The following CALN1 variants were observed in gnomAD, a reference collection of about 807,000 sequenced individuals.
CALN1 encodes the protein calneuron 1.
In CALN1, 17 loss-of-function variants were observed where a neutral mutation model predicts 30.6. The ratio of observed to expected loss-of-function variants is 0.56; its 90% CI spans 0.38 to 0.83. The LOEUF (loss-of-function observed/expected upper bound fraction) is 0.83. CALN1 is among the 40% of genes least tolerant of loss of function. The pLI is 0.00. For missense variants in CALN1, 291 were observed against 354.9 expected (o/e 0.82, Z 1.45); for synonymous variants, 156 against 131.4 (o/e 1.19, Z -1.28).
chr7:72,105,801 G>GGGA (rs1417237322), intron 4 of CALN1, among the ~76,000 whole-genome samples: 1 of 112,702 alleles, frequency 8.9e-6, no homozygotes, highest in Non-Finnish European at 1.9e-5. Flanking sequence ...GAGGGAGGGA[G>GGGA]GGAGGAGGAG....
chr7:72,424,930 C>T (rs961829753), intron 1 of CALN1, among the ~76,000 whole-genome samples: 3 of 152,066 alleles, frequency 2.0e-5, no homozygotes, highest in African/African-American at 7.2e-5. Context: ...ATTCACAGGA[C>T]TCACTCAAGC....
At chr7:72,460,060 C>T in the CALN1 span, among the ~76,000 whole-genome samples, 1 of 152,276 alleles carries the variant, frequency 6.6e-6, no homozygotes, top group African/African-American at 2.4e-5. Context: ...GCCAGCATCA[C>T]ATGGCAAGAG....
intron 2 of CALN1, among the ~76,000 whole-genome samples, chr7:72,345,175 G>A (rs1802573996): frequency 1.3e-5 from 2 of 150,374 alleles, no homozygotes; most frequent in Admixed American, 1.3e-4. Flanking sequence ...ACATCTTACA[G>A]ATCTTAAGAG....
intron 5 of CALN1, among the ~76,000 whole-genome samples, chr7:71,976,901 C>T (rs1033269295): frequency 5.3e-5 from 8 of 152,164 alleles, no homozygotes; most frequent in South Asian, 2.1e-4. Flanking sequence ...ACGTGCAACC[C>T]GTGAGCTAAC....
At chr7:71,973,660 C>A (rs887493102) in intron 5 of CALN1, among the ~76,000 whole-genome samples, 1 of 151,624 alleles carries the variant, frequency 6.6e-6, no homozygotes, top group African/African-American at 2.4e-5. Flanking sequence ...AACTGTAAAC[C>A]CTCATTAAGA....
At chr7:72,033,174 T>C (rs549071382) in intron 4 of CALN1, among the ~76,000 whole-genome samples, 2 of 127,772 alleles carry the variant, frequency 1.6e-5, no homozygotes, top group South Asian at 5.4e-4. Context: ...GCTATGTGAG[T>C]CAAAGTAATG....
intron 3 of CALN1, among the ~76,000 whole-genome samples, chr7:72,146,917 G>A (rs988732989): frequency 2.0e-5 from 3 of 152,204 alleles, no homozygotes; most frequent in African/African-American, 7.2e-5. Flanking sequence ...CTAGCCATAT[G>A]TAGAAAGCTG....
rs773565061 is a variant in CALN1 at position 71,787,850 on chromosome 7, G to A, written c.711C>T (p.Cys237=). ...TGATGATGAAGGCCATAGCAAAGGC[G>A]CATATGAGGCTCTTCCGGACGCAGG... ...RQTCVRKSLI[C]AFAMAFIISV... The change falls in exon 7 of 7, where the codon TGC becomes TGT. Residue 237 remains cysteine (C), a synonymous_variant. Coordinates refer to ENST00000395275, the MANE Select transcript of CALN1 (RefSeq NM_031468.4). 3.4e-5 allele frequency: 55 copies of A among 1,614,004 alleles called. No homozygotes were observed. The highest frequency in any genetic ancestry group is 4.4e-5 in the Non-Finnish European group (52 of 1,180,038).
chr7:72,299,689 CTTTT>C (rs34296600), intron 2 of CALN1, among the ~76,000 whole-genome samples: 3 of 119,842 alleles, frequency 2.5e-5, no homozygotes, highest in East Asian at 4.8e-4. Flanking sequence ...ATGCTCTTAT[CTTTT>C]TTTTTTTTTT....
At chr7:72,393,639 G>C (rs1025756840) in intron 2 of CALN1, among the ~76,000 whole-genome samples, 2 of 152,038 alleles carry the variant, frequency 1.3e-5, no homozygotes, top group African/African-American at 2.4e-5. Context: ...GCCCCCCCCA[G>C]GCAAATGCCA....
At chr7:72,250,330 G>C (rs1005031401) in intron 3 of CALN1, among the ~76,000 whole-genome samples, 2 of 152,202 alleles carry the variant, frequency 1.3e-5, no homozygotes, top group Non-Finnish European at 2.9e-5. Context: ...CCTTGAGGCA[G>C]TCACTTAACC....
chr7:72,489,335 CT>C, the CALN1 span, among the ~76,000 whole-genome samples: 1 of 152,192 alleles, frequency 6.6e-6, no homozygotes, highest in Non-Finnish European at 1.5e-5. Flanking sequence ...CTGGCACAGT[CT>C]TATCTGTAAA....
At chr7:72,142,976 C>T (rs59970653) in intron 3 of CALN1, among the ~76,000 whole-genome samples, 41,380 of 152,020 alleles carry the variant, frequency 0.27, 6,320 homozygotes, top group Non-Finnish European at 0.35. Flanking sequence ...CCTATCTGTA[C>T]GTCACCATCA....
intron 5 of CALN1, among the ~76,000 whole-genome samples, chr7:71,954,265 C>T (rs373282103): frequency 8.6e-5 from 13 of 152,022 alleles, no homozygotes; most frequent in African/African-American, 3.1e-4. Context: ...CAAGACCAGC[C>T]TGGCTAACAT....
chr7:72,443,512 G>C (rs1235446405), intron 1 of CALN1, among the ~76,000 whole-genome samples: 1 of 152,108 alleles, frequency 6.6e-6, no homozygotes, highest in Non-Finnish European at 1.5e-5. Context: ...CAGATTTGCT[G>C]CCACTCCCTC....
chr7:72,480,951 T>C, the CALN1 span, among the ~76,000 whole-genome samples: 2 of 152,140 alleles, frequency 1.3e-5, no homozygotes, highest in African/African-American at 2.4e-5. Context: ...CAATTTTACT[T>C]ACCTTTTTTT....
chr7:72,404,985 C>T (rs1253378399), intron 1 of CALN1, among the ~76,000 whole-genome samples: 1 of 152,204 alleles, frequency 6.6e-6, no homozygotes, highest in African/African-American at 2.4e-5. Context: ...TAATTTCCAT[C>T]TGAACCAGAA....
intron 2 of CALN1, among the ~76,000 whole-genome samples, chr7:72,310,030 C>A (rs923267291): frequency 7.2e-5 from 11 of 152,118 alleles, no homozygotes; most frequent in Non-Finnish European, 1.6e-4. Context: ...ACACTGCCCT[C>A]CATGTCTTCA....
intron 4 of CALN1, among the ~76,000 whole-genome samples, chr7:72,104,458 A>G (rs916332009): frequency 3.9e-5 from 6 of 152,112 alleles, no homozygotes; most frequent in Admixed American, 3.3e-4. Context: ...TTAGATAGGT[A>G]AACATGTGCC....
Sources: gnomAD v4.1 joint callset for allele counts (sites outside exome capture counted in the v4.1 genomes callset) on GRCh38, gnomAD v4.1.1 for gene constraint, MANE v1.5 for transcripts, NCBI Gene and HGNC (gene_info 2026-07-23, HGNC 2026-07-21) for gene names.